PDZRN3: variants seen among roughly 807,000 people sequenced by gnomAD.
PDZRN3 encodes PDZ domain containing ring finger 3, also known as E3 ubiquitin-protein ligase PDZRN3.
A neutral mutation model predicts 85.7 loss-of-function variants in PDZRN3; 38 were observed. The observed-to-expected ratio is 0.44, with a 90% confidence interval of 0.34 to 0.58. The LOEUF is 0.58. PDZRN3 is among the 20% of genes least tolerant of loss of function. PDZRN3 has a pLI of 0.01. For missense variants in PDZRN3, 1,629 were observed against 1,506.4 expected (o/e 1.08, Z -1.35); for synonymous variants, 759 against 638.0 (o/e 1.19, Z -2.86).
intron 3 of PDZRN3, among the ~76,000 whole-genome samples, chr3:73,476,436 C>T (rs1328230087): frequency 1.3e-5 from 2 of 152,168 alleles, no homozygotes; most frequent in African/African-American, 4.8e-5. Flanking sequence ...AAACCACCCC[C>T]ATGATCCAAT....
chr3:73,537,655 T>C (rs191072157), intron 3 of PDZRN3, among the ~76,000 whole-genome samples: 2 of 152,306 alleles, frequency 1.3e-5, no homozygotes, highest in African/African-American at 4.8e-5. Context: ...TGTCTCACTC[T>C]GTCGCCCAGG....
chr3:73,608,559 A>G, intron 2 of PDZRN3, 39 bp downstream of exon 2: 1 of 1,393,112 alleles, frequency 7.2e-7, no homozygotes, highest in Non-Finnish European at 1.0e-6. Context: ...TTCCAGCTAC[A>G]CCAGGAAAAG....
At chr3:73,445,688 A>G (rs1559683535) in intron 3 of PDZRN3, among the ~76,000 whole-genome samples, 1 of 152,256 alleles carries the variant, frequency 6.6e-6, no homozygotes, top group African/African-American at 2.4e-5. Context: ...AGAAAATATA[A>G]CAACTCAATA....
At chr3:73,405,538 A>AATG (rs1701835820) in intron 3 of PDZRN3, among the ~76,000 whole-genome samples, 1 of 152,222 alleles carries the variant, frequency 6.6e-6, no homozygotes, top group Admixed American at 6.5e-5. Context: ...GCAAATGTAA[A>AATG]ATGATGGTAT....
intron 3 of PDZRN3, among the ~76,000 whole-genome samples, chr3:73,504,274 T>C (rs1704033203): frequency 6.6e-6 from 1 of 152,206 alleles, no homozygotes; most frequent in Non-Finnish European, 1.5e-5. Flanking sequence ...AATTAGCTGA[T>C]AATGGGTCAT....
At chr3:73,460,510 G>C (rs1008809763) in intron 3 of PDZRN3, among the ~76,000 whole-genome samples, 2 of 152,100 alleles carry the variant, frequency 1.3e-5, no homozygotes, top group African/African-American at 4.8e-5. Flanking sequence ...CCATCCACTG[G>C]AAACGACAGG....
At chr3:73,514,016 A>C (rs1704214615) in intron 3 of PDZRN3, among the ~76,000 whole-genome samples, 1 of 152,232 alleles carries the variant, frequency 6.6e-6, no homozygotes, top group Non-Finnish European at 1.5e-5. Flanking sequence ...GAGACATTTA[A>C]TCTAATTTTA....
intron 3 of PDZRN3, among the ~76,000 whole-genome samples, chr3:73,448,325 G>C (rs1702791178): frequency 6.6e-6 from 1 of 152,224 alleles, no homozygotes; most frequent in Admixed American, 6.5e-5. Flanking sequence ...CAGTGAAGTG[G>C]CTGGCTTGCA....
intron 3 of PDZRN3, among the ~76,000 whole-genome samples, chr3:73,431,696 G>T (rs1268151564): frequency 6.6e-6 from 1 of 152,192 alleles, no homozygotes; most frequent in African/African-American, 2.4e-5. Flanking sequence ...AAATAAATCT[G>T]CATGGCTTCC....
intron 3 of PDZRN3, among the ~76,000 whole-genome samples, chr3:73,525,864 C>T (rs937611786): frequency 3.9e-5 from 6 of 152,230 alleles, no homozygotes; most frequent in Admixed American, 3.9e-4. Flanking sequence ...CCCTTTCCTT[C>T]ATGGCACTTA....
At chr3:73,423,694 A>T (rs1043589562) in intron 3 of PDZRN3, among the ~76,000 whole-genome samples, 1 of 152,196 alleles carries the variant, frequency 6.6e-6, no homozygotes, top group African/African-American at 2.4e-5. Flanking sequence ...ATATATTTTT[A>T]AAAGTGGCTT....
intron 3 of PDZRN3, among the ~76,000 whole-genome samples, chr3:73,491,199 G>A (rs1219753036): frequency 6.6e-6 from 1 of 152,198 alleles, no homozygotes; most frequent in East Asian, 1.9e-4. Context: ...AGTTCTCTCT[G>A]GGGTGCTTAG....
At chr3:73,481,022 T>C (rs544543225) in intron 3 of PDZRN3, among the ~76,000 whole-genome samples, 8 of 152,338 alleles carry the variant, frequency 5.3e-5, no homozygotes, top group African/African-American at 1.9e-4. Context: ...AGCTAGGGAA[T>C]TAGGGCTTGA....
intron 3 of PDZRN3, among the ~76,000 whole-genome samples, chr3:73,432,803 T>C (rs1042761442): frequency 2.0e-5 from 3 of 152,246 alleles, no homozygotes; most frequent in Non-Finnish European, 4.4e-5. Context: ...AAGAAAACCT[T>C]AGCTGGATTA....
chr3:73,607,723 A>G (rs571222677), intron 2 of PDZRN3, among the ~76,000 whole-genome samples: 17 of 151,408 alleles, frequency 1.1e-4, no homozygotes, highest in African/African-American at 3.6e-4. Context: ...TTCCAATCCA[A>G]TCTCTAATTA....
chr3:73,527,635 A>C (rs370110309), intron 3 of PDZRN3, among the ~76,000 whole-genome samples: 28 of 152,158 alleles, frequency 1.8e-4, no homozygotes, highest in African/African-American at 6.0e-4. Context: ...TCTCAGGTCT[A>C]TGAATAAAGT....
intron 3 of PDZRN3, among the ~76,000 whole-genome samples, chr3:73,458,251 T>C (rs1703028114): frequency 6.6e-6 from 1 of 152,058 alleles, no homozygotes; most frequent in Non-Finnish European, 1.5e-5. Context: ...GCAGTCTTCA[T>C]GAGTGGATTC....
intron 1 of PDZRN3, among the ~76,000 whole-genome samples, chr3:73,623,092 T>C (rs776921948): frequency 4.6e-5 from 7 of 152,212 alleles, no homozygotes; most frequent in Non-Finnish European, 1.0e-4. Flanking sequence ...GCACCCAGCC[T>C]GGAGCAAAGT....
intron 3 of PDZRN3, among the ~76,000 whole-genome samples, chr3:73,598,322 A>C (rs545970945): frequency 6.6e-6 from 1 of 152,310 alleles, no homozygotes; most frequent in East Asian, 1.9e-4. Flanking sequence ...AGAAAAACAA[A>C]AGGCACTGAG....
Sources: allele counts gnomAD v4.1 joint callset (sites outside exome capture counted in the v4.1 genomes callset), GRCh38; gene constraint gnomAD v4.1.1; transcripts MANE v1.5; gene names NCBI Gene and HGNC (gene_info 2026-07-23, HGNC 2026-07-21).